BARD1: variants seen among roughly 807,000 people sequenced by gnomAD.
BARD1 encodes the protein BRCA1 associated RING domain 1.
A neutral mutation model predicts 77.0 loss-of-function variants in BARD1; 73 were observed. The observed-to-expected ratio is 0.95, with a 90% CI of 0.79 to 1.15. The LOEUF is 1.15. Among genes scored for constraint, BARD1 ranks in the 50% most tolerant of loss-of-function variants. BARD1 has a pLI of 0.00. For missense variants in BARD1, 993 were observed against 938.8 expected, an observed-to-expected ratio of 1.06 and a Z score of -0.75; for synonymous variants, 384 against 338.0, an observed-to-expected ratio of 1.14 and a Z score of -1.49.
At chr2:214,787,521 T>C (rs532375325) in intron 3 of BARD1, among the ~76,000 whole-genome samples, 1 of 152,052 alleles carries the variant, frequency 6.6e-6, no homozygotes, top group Non-Finnish European at 1.5e-5. Flanking sequence ...GGAACATAAA[T>C]CACATTATTA....
At chr2:214,787,953 T>G (rs1345496207) in intron 3 of BARD1, among the ~76,000 whole-genome samples, 1 of 152,010 alleles carries the variant, frequency 6.6e-6, no homozygotes, top group African/African-American at 2.4e-5. Flanking sequence ...TGCTACCATC[T>G]GTGCAACATT....
In BARD1 at chr2:214,745,731, C is replaced by T. The variant is rs753752419; in HGVS notation, c.1801G>A (p.Asp601Asn). 1.2e-5 allele frequency: 20 copies of T among 1,614,074 alleles called. No individual in the cohort carries two copies. Among genetic ancestry groups the T allele is most frequent in the Admixed American group, 6.7e-5 (4 of 60,024 alleles). Residue 601 changes from aspartate (D) to asparagine (N), a missense_variant, in exon 8 of 11, where the codon GAC becomes AAC. Physicochemically the swap from Asp to Asn is conservative, Grantham distance 23 (BLOSUM62 1). Coordinates refer to ENST00000260947, the MANE Select transcript of BARD1 (RefSeq NM_000465.4). The part of the protein sequence containing the change: ...ILKAKKYTEF[D>N]STVTHVVVPG... ...AATTCAAAATCCTCACCTGTACTGT[C>T]AAACTCAGTATATTTTTTAGCCTTA...
intron 9 of BARD1, among the ~76,000 whole-genome samples, chr2:214,733,096 T>G (rs978032873): frequency 6.6e-6 from 1 of 152,232 alleles, no homozygotes; most frequent in African/African-American, 2.4e-5. Context: ...CACAGTCAAG[T>G]GCAGAAACAT....
rs76079024 is a variant in BARD1 at position 214,798,591 on chromosome 2, T to C, written c.159-1474A>G. 2.3e-3 allele frequency among the ~76,000 whole-genome samples: 347 copies of C among 152,142 alleles called. 5 individuals are homozygous for C. Among genetic ancestry groups the C allele is most frequent in the African/African-American group, 8.0e-3 (331 of 41,508 alleles). ...CTTGAAAGAAGTCCATTCAGTTTCC[T>C]AGCACCTTGGATTCCCTATCCAGCC... On this transcript the variant is annotated intron_variant, in intron 1 of 10. Coordinates refer to ENST00000260947, the MANE Select transcript of BARD1 (RefSeq NM_000465.4).
At chr2:214,782,206 A>G (rs1695073490) in intron 3 of BARD1, among the ~76,000 whole-genome samples, 1 of 152,196 alleles carries the variant, frequency 6.6e-6, no homozygotes, top group Admixed American at 6.6e-5. Context: ...GATTAGTAAG[A>G]ATAAATGAAC....
At chr2:214,738,797 A>G (rs995967806) in intron 9 of BARD1, among the ~76,000 whole-genome samples, 1 of 152,142 alleles carries the variant, frequency 6.6e-6, no homozygotes, top group Non-Finnish European at 1.5e-5. Flanking sequence ...GGAAAGCCAT[A>G]CTTAGAATTT....
intron 3 of BARD1, among the ~76,000 whole-genome samples, chr2:214,789,101 T>G (rs1695404417): frequency 6.6e-6 from 1 of 152,154 alleles, no homozygotes; most frequent in Non-Finnish European, 1.5e-5. Context: ...TACTCTAAAT[T>G]TATTGTCATT....
At chr2:214,742,462 G>A (rs1277074029) in intron 9 of BARD1, among the ~76,000 whole-genome samples, 1 of 151,312 alleles carries the variant, frequency 6.6e-6, no homozygotes, top group African/African-American at 2.5e-5. Flanking sequence ...CTATTTAAAG[G>A]AAGTATCTCA....
At position 214,745,236 on chromosome 2, in the gene BARD1, T is replaced by C. The variant is rs76486825; in HGVS notation, c.1811-77A>G. 48,354 of 1,273,530 alleles carry C rather than the reference T, an allele frequency of 0.038. 1,137 individuals are homozygous for C. Among genetic ancestry groups the C allele is most frequent in the Middle Eastern group, 0.06 (308 of 5,148 alleles). 78.9% of individuals were successfully genotyped at this position (1,273,530 alleles called of 1,614,324 possible). On this transcript the variant is annotated intron_variant, in intron 8 of 10. Transcript: ENST00000260947. Reference sequence around the variant, plus strand: ...TCTTTGGCCTGCTTCTTATAACTCATCTATATTTTGTAAGCTTATATCTGA... The same window carrying C: ...TCTTTGGCCTGCTTCTTATAACTCACCTATATTTTGTAAGCTTATATCTGA...
intron 7 of BARD1, among the ~76,000 whole-genome samples, chr2:214,748,512 G>C (rs1444724837): frequency 6.6e-6 from 1 of 151,644 alleles, no homozygotes; most frequent in African/African-American, 2.4e-5. Flanking sequence ...CAAAAATGGG[G>C]TTAAAAAATC....
chr2:214,755,932 T>A (rs1486357335), intron 6 of BARD1, among the ~76,000 whole-genome samples: 1 of 152,234 alleles, frequency 6.6e-6, no homozygotes, highest in African/African-American at 2.4e-5. Flanking sequence ...TGAATTTACA[T>A]CTAGTACACG....
intron 9 of BARD1, among the ~76,000 whole-genome samples, chr2:214,738,908 G>C (rs1194143771): frequency 6.6e-6 from 1 of 152,088 alleles, no homozygotes; most frequent in African/African-American, 2.4e-5. Context: ...ACTCTGGGAG[G>C]GTGAAGCAGG....
chr2:214,773,296 T>C (rs1694593200), intron 4 of BARD1, among the ~76,000 whole-genome samples: 3 of 152,174 alleles, frequency 2.0e-5, no homozygotes, highest in African/African-American at 7.2e-5. Context: ...ATAAGACAAA[T>C]GACTTGCCTA....
intron 1 of BARD1, among the ~76,000 whole-genome samples, chr2:214,808,959 T>TA (rs531834539): frequency 5.5e-4 from 84 of 152,344 alleles, no homozygotes; most frequent in African/African-American, 1.9e-3. Context: ...CAGTTTAACT[T>TA]AGAGTGGCAG....
At chr2:214,752,134 G>C (rs1252171778) in intron 7 of BARD1, among the ~76,000 whole-genome samples, 1 of 152,134 alleles carries the variant, frequency 6.6e-6, no homozygotes, top group Non-Finnish European at 1.5e-5. Context: ...ATTTATATTA[G>C]TTCAATATTT....
chr2:214,799,684 G>C (rs1311839735), intron 1 of BARD1, among the ~76,000 whole-genome samples: 1 of 152,074 alleles, frequency 6.6e-6, no homozygotes, highest in African/African-American at 2.4e-5. Context: ...ATCTACACAT[G>C]AACAGGTAAT....
At chr2:214,739,699 G>A (rs958633862) in intron 9 of BARD1, among the ~76,000 whole-genome samples, 1 of 151,986 alleles carries the variant, frequency 6.6e-6, no homozygotes, top group Non-Finnish European at 1.5e-5. Context: ...ATAAAATAAA[G>A]GCTAAATGTT....
At chr2:214,763,982 G>C (rs1425938734) in intron 6 of BARD1, among the ~76,000 whole-genome samples, 1 of 152,124 alleles carries the variant, frequency 6.6e-6, no homozygotes, top group African/African-American at 2.4e-5. Flanking sequence ...AAGGCTATAG[G>C]AATTACTTTG....
intron 4 of BARD1, among the ~76,000 whole-genome samples, chr2:214,769,784 C>G (rs1449667866): frequency 6.6e-6 from 1 of 152,112 alleles, no homozygotes; most frequent in Non-Finnish European, 1.5e-5. Context: ...ATAAATTATT[C>G]TGAGATATCA....
Sources: allele counts gnomAD v4.1 joint callset (sites outside exome capture counted in the v4.1 genomes callset), GRCh38; gene constraint gnomAD v4.1.1; transcripts MANE v1.5; gene names NCBI Gene and HGNC (gene_info 2026-07-23, HGNC 2026-07-21).